CNTN3: variants seen among roughly 807,000 people sequenced by gnomAD.
CNTN3 encodes contactin-3.
CNTN3 carries 60 observed loss-of-function variants against 119.1 expected under a neutral mutation model. That is an observed-to-expected ratio of 0.50 (90% confidence interval 0.41 to 0.62). The LOEUF (loss-of-function observed/expected upper bound fraction) is 0.62. Among genes scored for constraint, CNTN3 ranks in the 20% least tolerant of loss-of-function variants. CNTN3 has a pLI of 0.00. For missense variants in CNTN3, 1,101 were observed against 1,242.4 expected, an observed-to-expected ratio of 0.89 and a Z score of 1.71; for synonymous variants, 450 against 438.7, an observed-to-expected ratio of 1.03 and a Z score of -0.32.
intron 2 of CNTN3, among the ~76,000 whole-genome samples, chr3:74,508,227 G>A (rs181297119): frequency 2.6e-4 from 40 of 152,160 alleles, no homozygotes; most frequent in Admixed American, 5.2e-4. Flanking sequence ...CCCTTTGCTC[G>A]GCTCTTCTCC....
chr3:74,579,685 A>C (rs1180679835), intron 1 of CNTN3, among the ~76,000 whole-genome samples: 3 of 152,166 alleles, frequency 2.0e-5, no homozygotes, highest in Non-Finnish European at 2.9e-5. Flanking sequence ...ATTGGAAATT[A>C]AAGATAAAAT....
At chr3:74,532,298 G>T (rs1249577172) in intron 1 of CNTN3, among the ~76,000 whole-genome samples, 1 of 151,970 alleles carries the variant, frequency 6.6e-6, no homozygotes, top group Non-Finnish European at 1.5e-5. Flanking sequence ...ATGGTTTTCA[G>T]TTGGAAAATT....
intron 11 of CNTN3, among the ~76,000 whole-genome samples, chr3:74,344,375 T>G (rs1703626289): frequency 2.0e-5 from 3 of 150,382 alleles, no homozygotes; most frequent in East Asian, 2.0e-4. Context: ...TTTAAGTAGT[T>G]CATTTACAAC....
At chr3:74,585,784 T>C (rs1704583113) in intron 1 of CNTN3, among the ~76,000 whole-genome samples, 2 of 152,094 alleles carry the variant, frequency 1.3e-5, no homozygotes, top group Non-Finnish European at 2.9e-5. Context: ...CTATTTCAAA[T>C]AATAAAGCTA....
rs189522153 is a variant in CNTN3, at chr3:74,280,893, A to G, written c.2704+4412T>C. Among the ~76,000 whole-genome samples, 604 of 152,298 alleles carry G rather than the reference A, an allele frequency of 4.0e-3. 2 individuals carry two copies. The highest frequency in any genetic ancestry group is 7.5e-3 in the South Asian group (36 of 4,828). On this transcript the variant is annotated intron_variant, in intron 20 of 22. Transcript: ENST00000263665. ...CAAGGATAAAACAGGGAAGGAGACA[A>G]GAGCATCAGAAAAGGTGGAGCTGCA...
chr3:74,367,748 C>T (rs1704233976), intron 8 of CNTN3, among the ~76,000 whole-genome samples: 2 of 151,970 alleles, frequency 1.3e-5, no homozygotes, highest in African/African-American at 4.8e-5. Flanking sequence ...TGGATTTCCT[C>T]ATCATATGAA....
At chr3:74,499,144 T>C (rs1575785037) in intron 3 of CNTN3, among the ~76,000 whole-genome samples, 1 of 151,810 alleles carries the variant, frequency 6.6e-6, no homozygotes, top group Non-Finnish European at 1.5e-5. Flanking sequence ...CTTAAAAATA[T>C]AGACTTTAAC....
intron 11 of CNTN3, among the ~76,000 whole-genome samples, chr3:74,357,031 C>A (rs144256779): frequency 6.6e-6 from 1 of 151,868 alleles, no homozygotes; most frequent in African/African-American, 2.4e-5. Context: ...TCACGCCATT[C>A]TCCTGCCTCA....
At chr3:74,570,518 GAA>G (rs1234006496) in intron 1 of CNTN3, among the ~76,000 whole-genome samples, 1 of 107,472 alleles carries the variant, frequency 9.3e-6, no homozygotes, top group South Asian at 3.1e-4. Flanking sequence ...CACAAAAGAA[GAA>G]AAAAAAAGAG....
chr3:74,360,604 TCAG>T (rs1202997105), intron 11 of CNTN3, among the ~76,000 whole-genome samples: 1 of 152,166 alleles, frequency 6.6e-6, no homozygotes, highest in African/African-American at 2.4e-5. Flanking sequence ...GGTCAGAAGT[TCAG>T]TATAGGTCTC....
In CNTN3 at chr3:74,505,447, CGTGTGTGTGTGT is replaced by C. The variant is rs140722806; in HGVS notation, c.56-5674_56-5663del. Reference sequence around the variant, plus strand: ...GGACACCATGAGGGAGAACACTATACGTGTGTGTGTGTGTGTGTGTGTGTATAAAATATATAT... The same window carrying C: ...GGACACCATGAGGGAGAACACTATACGTGTGTGTGTGTATAAAATATATAT... On this transcript the variant is annotated intron_variant, in intron 2 of 22. Transcript: ENST00000263665. 9.4e-5 allele frequency among the ~76,000 whole-genome samples: 14 copies of C among 148,932 alleles called. 1 individual carries two copies. Among genetic ancestry groups the C allele is most frequent in the Non-Finnish European group, 1.3e-4 (9 of 67,316 alleles).
At chr3:74,408,734 G>A (rs1345817799) in intron 5 of CNTN3, among the ~76,000 whole-genome samples, 1 of 151,996 alleles carries the variant, frequency 6.6e-6, no homozygotes. Flanking sequence ...AATCTCCTCT[G>A]CCTTCTTCAG....
At chr3:74,488,889 T>C (rs1224396189) in intron 3 of CNTN3, among the ~76,000 whole-genome samples, 1 of 152,216 alleles carries the variant, frequency 6.6e-6, no homozygotes, top group Non-Finnish European at 1.5e-5. Context: ...TTTGGTTTAT[T>C]TGCAAAGTAA....
At chr3:74,306,334 CAT>C (rs1702563654) in intron 13 of CNTN3, among the ~76,000 whole-genome samples, 1 of 150,534 alleles carries the variant, frequency 6.6e-6, no homozygotes, top group East Asian at 2.0e-4. Context: ...TAATAAGAAA[CAT>C]ATTTGCCATT....
At chr3:74,399,051 A>T (rs1173214979) in intron 5 of CNTN3, among the ~76,000 whole-genome samples, 1 of 152,132 alleles carries the variant, frequency 6.6e-6, no homozygotes, top group Non-Finnish European at 1.5e-5. Flanking sequence ...TATATAACAT[A>T]TTATTATTGA....
chr3:74,563,813 C>T (rs1704188350), intron 1 of CNTN3, among the ~76,000 whole-genome samples: 2 of 152,116 alleles, frequency 1.3e-5, no homozygotes, highest in African/African-American at 2.4e-5. Context: ...AGTCTAATTC[C>T]AGGGCTTAAC....
intron 5 of CNTN3, among the ~76,000 whole-genome samples, chr3:74,403,047 G>A (rs1270053867): frequency 6.6e-6 from 1 of 152,108 alleles, no homozygotes; most frequent in Non-Finnish European, 1.5e-5. Flanking sequence ...TGGGCCTTGT[G>A]GGAACAGTAA....
At chr3:74,610,879 C>T (rs1441073758) in intron 1 of CNTN3, among the ~76,000 whole-genome samples, 2 of 152,178 alleles carry the variant, frequency 1.3e-5, no homozygotes, top group South Asian at 2.1e-4. Flanking sequence ...AATAAAAGCA[C>T]TTGAAGTATT....
At chr3:74,573,820 G>A (rs936047340) in intron 1 of CNTN3, among the ~76,000 whole-genome samples, 9 of 151,452 alleles carry the variant, frequency 5.9e-5, no homozygotes, top group Admixed American at 2.6e-4. Flanking sequence ...GGAGAAATTG[G>A]AACACTCCAA....
Sources: allele counts gnomAD v4.1 joint callset (sites outside exome capture counted in the v4.1 genomes callset), GRCh38; gene constraint gnomAD v4.1.1; transcripts MANE v1.5; gene names NCBI Gene and HGNC (gene_info 2026-07-23, HGNC 2026-07-21).